The following BRME1 variants were observed in gnomAD, a reference collection of about 807,000 sequenced individuals.
BRME1 encodes BRCA2 and MEILB2-associating protein 1.
Under a neutral mutation model 52.6 loss-of-function variants are expected in BRME1, and 31 were observed. The observed-to-expected ratio is 0.59, with a 90% CI of 0.44 to 0.80. The LOEUF (loss-of-function observed/expected upper bound fraction) is 0.80, where lower values mean the gene tolerates loss of function less well. Ranked by LOEUF, BRME1 falls within the 30% of genes least tolerant of loss-of-function variation. BRME1 has a pLI of 0.00. For missense variants in BRME1, 804 were observed against 860.3 expected (o/e 0.93, Z 0.82); for synonymous variants, 359 against 353.6 (o/e 1.02, Z -0.17).
chr19:13,898,923 C>CAAAA (rs1159325305), intron 2 of BRME1, among the ~76,000 whole-genome samples: 4 of 67,722 alleles, frequency 5.9e-5, no homozygotes, highest in South Asian at 4.8e-4. Context: ...AACTCCATCT[C>CAAAA]AAAAAAAAAA....
chr19:13,884,148 T>C (rs894008498), intron 7 of BRME1, among the ~76,000 whole-genome samples: 2 of 152,124 alleles, frequency 1.3e-5, no homozygotes, highest in Non-Finnish European at 2.9e-5. Flanking sequence ...AAGACCAGCC[T>C]CGGCAATGTA....
At position 13,883,065 on chromosome 19, in the gene BRME1, A is replaced by T; in HGVS notation, c.1857-113T>A. ...TGACTCAGGTGCACACACACGGCTCACACACGTGCACATAACCAGAAAGGG... is the reference window on the plus strand; with the variant it reads ...TGACTCAGGTGCACACACACGGCTCTCACACGTGCACATAACCAGAAAGGG... On this transcript the variant is annotated intron_variant, in intron 8 of 8. Coordinates refer to ENST00000586783, the MANE Select transcript of BRME1 (RefSeq NM_001345843.2). This position sits in a 1 kb window ranked among gnomAD's most constrained non-coding sequence, Gnocchi z 4.2. 1 of 1,318,958 alleles carries T rather than the reference A, an allele frequency of 7.6e-7. No individual in the cohort carries two copies. The highest frequency in any genetic ancestry group is 1.0e-6 in the Non-Finnish European group (1 of 958,738). The allele number at this position is 1,318,958 out of a possible 1,614,324, so 81.7% of individuals were successfully genotyped here.
At chr19:13,885,863 C>G (rs2145117298) in intron 7 of BRME1, 98 bp downstream of exon 7, 1 of 1,030,318 alleles carries the variant, frequency 9.7e-7, no homozygotes, top group Non-Finnish European at 1.5e-6. Flanking sequence ...AGTCGAGGCC[C>G]AGGGAGGGAG....
chr19:13,895,772 G>T (rs931879725), intron 2 of BRME1, among the ~76,000 whole-genome samples: 1 of 152,156 alleles, frequency 6.6e-6, no homozygotes, highest in Non-Finnish European at 1.5e-5. Flanking sequence ...GGGCAGACAA[G>T]ACTAAATTAT....
chr19:13,882,849 C>T lies in BRME1; in HGVS notation c.1960G>A (p.Gly654Arg), dbSNP rs1207579635. 6.2e-7 allele frequency: 1 copy of T among 1,614,040 alleles called. No individual in the cohort carries two copies. Among genetic ancestry groups the T allele is most frequent in the South Asian group, 1.1e-5 (1 of 91,066 alleles). The change falls in exon 9 of 9, where the codon GGG becomes AGG. Residue 654 changes from glycine (G) to arginine (R), a missense_variant. By Grantham distance (125) the Gly-to-Arg change is moderately radical. This residue lies in a region of BRME1 where 552 missense variants were observed against 561.1 expected (regional missense o/e 0.98). Coordinates refer to ENST00000586783, the MANE Select transcript of BRME1 (RefSeq NM_001345843.2). ...TCCCCTCGAGGGATATTCCCAGGCC[C>T]CTTGGAAGGGTAAGGCAGGGGGGCT... The part of the protein sequence containing the change: ...GKAPLPYPSK[G>R]PGNIPRGDPP...
At position 13,889,935 on chromosome 19, in the gene BRME1, G is replaced by A; in HGVS notation, c.921C>T (p.Gly307=). 1 of 1,612,588 alleles carries A rather than the reference G, an allele frequency of 6.2e-7. No individual in the cohort carries two copies. The highest frequency in any genetic ancestry group is 8.5e-7 in the Non-Finnish European group (1 of 1,179,952). ...TGGGGGTCTGCTGGGGGTCAGGGGA[G>A]CCCTGGGCCACAGACCCGGGTTCCA... ...WCLEPGSVAQ[G]SPDPQQTPSR... Residue 307 remains glycine, a synonymous_variant, in exon 6 of 9, where the codon GGC becomes GGT. Transcript: ENST00000586783.
Position 13,897,854 on chromosome 19 carries a change from C to G in BRME1, c.32-2308G>C, listed in dbSNP as rs554423510. On this transcript the variant is annotated intron_variant, in intron 2 of 8. Transcript: ENST00000586783. Reference sequence around the variant, plus strand: ...CCAGCCTGGGCAACAGAACTAGAGCCTGTCTCAAAAAAACATTTAAATTAA... The same window carrying G: ...CCAGCCTGGGCAACAGAACTAGAGCGTGTCTCAAAAAAACATTTAAATTAA... 7.9e-5 allele frequency among the ~76,000 whole-genome samples: 12 copies of G among 151,792 alleles called. No individual in the cohort carries two copies. The East Asian group carries it at 2.1e-3, about 27-fold the overall frequency.
At position 13,889,586 on chromosome 19, in the gene BRME1, C is replaced by T. The variant is rs749341329; in HGVS notation, c.1270G>A (p.Gly424Arg). The T allele has an allele frequency of 5.0e-6, 8 of 1,612,172 alleles. No individual in the cohort carries two copies. Among genetic ancestry groups the T allele is most frequent in the African/African-American group, 4.0e-5 (3 of 74,924 alleles). The change falls in exon 6 of 9, where the codon GGG becomes AGG. Residue 424 changes from glycine to arginine, a missense_variant. Gly to Arg is a moderately radical substitution (Grantham distance 125). Transcript: ENST00000586783. ...GCACCCATCATGGACTCTCCGCTCC[C>T]AGGTGCCAGAGCCAGGGAGGCTGTA... is the stretch of plus-strand genomic sequence containing the variant. The part of the protein sequence containing the change: ...GPTASLALAP[G>R]SGESMMGAGD...
At chr19:13,884,331 C>G (rs750810409) in intron 7 of BRME1, among the ~76,000 whole-genome samples, 6 of 151,686 alleles carry the variant, frequency 4.0e-5, no homozygotes, top group Non-Finnish European at 7.4e-5. Context: ...AAGACTCTAT[C>G]TAAAAAATAT....
At chr19:13,896,694 A>T (rs10417145) in intron 2 of BRME1, among the ~76,000 whole-genome samples, 49,625 of 148,872 alleles carry the variant, frequency 0.33, 10,960 homozygotes, top group African/African-American at 0.63. Context: ...CTATATATAT[A>T]TTTTTTCTTT....
chr19:13,883,290 T>A lies in BRME1; in HGVS notation c.1856+18A>T. 3 of 1,527,928 alleles carry A rather than the reference T, an allele frequency of 2.0e-6. No homozygotes were observed. Among genetic ancestry groups the A allele is most frequent in the Non-Finnish European group, 2.6e-6 (3 of 1,140,238 alleles). 94.6% of individuals were successfully genotyped at this position (1,527,928 alleles called of 1,614,324 possible). ...CCTCCCGCAGACCCTGTGCCGTGAG[T>A]CCAAGCCCACCCCGTACTTCAGGTT... On this transcript the variant is annotated intron_variant, in intron 8 of 8. Coordinates refer to ENST00000586783, the MANE Select transcript of BRME1 (RefSeq NM_001345843.2). The surrounding 1 kb of genome is among the most constrained non-coding windows in gnomAD (Gnocchi z 4.2).
chr19:13,883,045 C>T lies in BRME1; in HGVS notation c.1857-93G>A. The T allele has an allele frequency of 6.9e-7, 1 of 1,459,218 alleles. No homozygotes were observed. Among genetic ancestry groups the T allele is most frequent in the Non-Finnish European group, 9.3e-7 (1 of 1,073,292 alleles). 90.4% of individuals were successfully genotyped at this position (1,459,218 alleles called of 1,614,324 possible). A position where few individuals can be genotyped will look rare whatever the true frequency, so the allele number is the denominator to read the frequency against. On this transcript the variant is annotated intron_variant, in intron 8 of 8. Coordinates refer to ENST00000586783, the MANE Select transcript of BRME1 (RefSeq NM_001345843.2). This position sits in a 1 kb window ranked among gnomAD's most constrained non-coding sequence, Gnocchi z 4.2. The stretch of plus-strand genomic sequence containing the variant: ...CACAGCCACATGGTCACCAATGACT[C>T]AGGTGCACACACACGGCTCACACAC...
rs1034566383 is a variant in BRME1 at position 13,898,365 on chromosome 19, C to T, written c.32-2819G>A. ...GGTGTGGTGGTGCACACCTGCAGTC[C>T]CAGCTACTCAGGAGGCTGAGGGGGT... is the stretch of plus-strand genomic sequence containing the variant. On this transcript the variant is annotated intron_variant, in intron 2 of 8. Transcript: ENST00000586783. Among the ~76,000 whole-genome samples the T allele has an allele frequency of 3.9e-5, 6 of 152,112 alleles. 1 individual carries two copies. In the South Asian group the frequency reaches 1.2e-3, roughly 32 times the overall value.
At chr19:13,885,627 C>T (rs1196216797) in intron 7 of BRME1, among the ~76,000 whole-genome samples, 1 of 152,188 alleles carries the variant, frequency 6.6e-6, no homozygotes, top group Non-Finnish European at 1.5e-5. Context: ...GTCTGGGTCC[C>T]CTCCCCTTCC....
At chr19:13,887,745 T>C (rs1969140917) in intron 6 of BRME1, among the ~76,000 whole-genome samples, 1 of 150,642 alleles carries the variant, frequency 6.6e-6, no homozygotes, top group Non-Finnish European at 1.5e-5. Flanking sequence ...GTTCAGCCTC[T>C]ACCACTGAAC....
At position 13,882,582 on chromosome 19, in the gene BRME1, G is replaced by A. The variant is rs556948566; in HGVS notation, c.*220C>T. 5.1e-6 allele frequency: 3 copies of A among 591,352 alleles called. No homozygotes were observed. The highest frequency in any genetic ancestry group is 3.3e-5 in the Admixed American group (1 of 30,206). 36.6% of individuals were successfully genotyped at this position (591,352 alleles called of 1,614,324 possible). On this transcript the variant is annotated 3_prime_UTR_variant, in exon 9 of 9. Transcript: ENST00000586783. ...GCTTGAAGTCACTGGGGCTGTGGGA[G>A]ACACAGTTTCCCTCCCTGAAGCCAA...
rs1274600903 is a variant in BRME1 at position 13,883,029 on chromosome 19, A to G, written c.1857-77T>C. The G allele has an allele frequency of 7.9e-6, 12 of 1,525,322 alleles. No individual in the cohort carries two copies. The highest frequency in any genetic ancestry group is 1.1e-5 in the Non-Finnish European group (12 of 1,127,330). 94.5% of individuals were successfully genotyped at this position (1,525,322 alleles called of 1,614,324 possible). A position where few individuals can be genotyped will look rare whatever the true frequency, so the allele number is the denominator to read the frequency against. On this transcript the variant is annotated intron_variant, in intron 8 of 8. Transcript: ENST00000586783. The surrounding 1 kb of genome is among the most constrained non-coding windows in gnomAD (Gnocchi z 4.2). ...AGAGGGGGCCGCGCCTCACAGCCAC[A>G]TGGTCACCAATGACTCAGGTGCACA...
intron 2 of BRME1, among the ~76,000 whole-genome samples, chr19:13,902,912 C>T (rs1056733279): frequency 1.6e-4 from 23 of 146,448 alleles, no homozygotes; most frequent in Admixed American, 1.0e-3. Context: ...GCAACAAGAG[C>T]GAAACTCCGT....
Position 13,882,681 on chromosome 19 carries a change from A to G in BRME1, c.*121T>C, listed in dbSNP as rs1289156371. 5.6e-5 allele frequency: 76 copies of G among 1,352,716 alleles called. No individual in the cohort carries two copies. The highest frequency in any genetic ancestry group is 7.4e-5 in the Non-Finnish European group (72 of 975,646). The allele number at this position is 1,352,716 out of a possible 1,614,324, so 83.8% of individuals were successfully genotyped here. A position where few individuals can be genotyped will look rare whatever the true frequency, so the allele number is the denominator to read the frequency against. ...GCCTCCTTTGTGTTGTCCATGGAAG[A>G]CCAACTTCCGGGCAACTGAAGGGAG... is the stretch of plus-strand genomic sequence containing the variant. On this transcript the variant is annotated 3_prime_UTR_variant, in exon 9 of 9. Coordinates refer to ENST00000586783, the MANE Select transcript of BRME1 (RefSeq NM_001345843.2).
Sources: gnomAD v4.1 joint callset for allele counts (sites outside exome capture counted in the v4.1 genomes callset) on GRCh38, gnomAD v4.1.1 for gene constraint, gnomAD v4.1.1 regional missense constraint, Gnocchi (gnomAD v3.1) non-coding constraint, MANE v1.5 for transcripts, NCBI Gene and HGNC (gene_info 2026-07-23, HGNC 2026-07-21) for gene names.